The following SHISA9 variants were observed in gnomAD, a reference collection of about 807,000 sequenced individuals.
SHISA9 encodes protein shisa-9.
In SHISA9, 13 loss-of-function variants were observed where a neutral mutation model predicts 38.0. The ratio of observed to expected loss-of-function variants is 0.34; its 90% confidence interval spans 0.22 to 0.54. The LOEUF is 0.54. SHISA9 is among the 20% of genes least tolerant of loss of function. SHISA9 has a pLI of 0.91. For missense variants in SHISA9, 538 were observed against 575.8 expected, an observed-to-expected ratio of 0.93 and a Z score of 0.67; for synonymous variants, 275 against 242.0, an observed-to-expected ratio of 1.14 and a Z score of -1.27.
chr16:13,024,073 T>C (rs1445722059), intron 2 of SHISA9, among the ~76,000 whole-genome samples: 2 of 152,190 alleles, frequency 1.3e-5, no homozygotes, highest in African/African-American at 4.8e-5. Flanking sequence ...TCATTTCTCA[T>C]CTCCATTAAT....
At chr16:13,448,562 T>A in the SHISA9 span, among the ~76,000 whole-genome samples, 1 of 152,254 alleles carries the variant, frequency 6.6e-6, no homozygotes, top group Non-Finnish European at 1.5e-5. Flanking sequence ...CAGGAAGCCA[T>A]CTGTGGCCCT....
chr16:13,536,691 G>A, the SHISA9 span, among the ~76,000 whole-genome samples: 13 of 152,328 alleles, frequency 8.5e-5, no homozygotes, highest in Middle Eastern at 3.4e-3. Flanking sequence ...GTAGCCATGA[G>A]AGAAGCTTGC....
the SHISA9 span, among the ~76,000 whole-genome samples, chr16:13,523,299 G>C: frequency 1.4e-4 from 21 of 152,098 alleles, no homozygotes; most frequent in African/African-American, 3.9e-4. Context: ...GCAGTGAGCC[G>C]AGATCCTGCC....
At chr16:13,265,877 A>G in the SHISA9 span, among the ~76,000 whole-genome samples, 2 of 152,180 alleles carry the variant, frequency 1.3e-5, no homozygotes, top group Admixed American at 6.5e-5. Context: ...ATGTGCCAAC[A>G]TCCCAAGTGT....
At chr16:13,057,395 G>A (rs182515661) in intron 2 of SHISA9, among the ~76,000 whole-genome samples, 3 of 152,202 alleles carry the variant, frequency 2.0e-5, no homozygotes. Flanking sequence ...TGCCTGGGGG[G>A]TTTATTTATT....
chr16:13,085,643 T>C (rs2073702205), intron 2 of SHISA9, among the ~76,000 whole-genome samples: 1 of 152,196 alleles, frequency 6.6e-6, no homozygotes, highest in Non-Finnish European at 1.5e-5. Context: ...CTACGTTATG[T>C]GTAGGTGCAC....
chr16:13,256,545 G>T, the SHISA9 span, among the ~76,000 whole-genome samples: 3 of 152,222 alleles, frequency 2.0e-5, no homozygotes, highest in Non-Finnish European at 4.4e-5. Flanking sequence ...CTACTAAAGT[G>T]CTGGGATTAC....
intron 4 of SHISA9, among the ~76,000 whole-genome samples, chr16:13,220,739 C>G (rs1051144544): frequency 6.6e-6 from 1 of 152,130 alleles, no homozygotes; most frequent in African/African-American, 2.4e-5. Flanking sequence ...CATCCAGAAC[C>G]CTGTGTGGGA....
At chr16:13,406,059 C>T in the SHISA9 span, among the ~76,000 whole-genome samples, 1 of 152,124 alleles carries the variant, frequency 6.6e-6, no homozygotes, top group South Asian at 2.1e-4. Context: ...TAAACGACAA[C>T]CTACAGAATG....
intron 2 of SHISA9, among the ~76,000 whole-genome samples, chr16:13,017,219 C>A (rs2072768845): frequency 6.6e-6 from 1 of 152,038 alleles, no homozygotes; most frequent in African/African-American, 2.4e-5. Flanking sequence ...GGGGTTTCAC[C>A]ATGTTGGCCA....
the SHISA9 span, among the ~76,000 whole-genome samples, chr16:13,379,106 A>G: frequency 5.3e-5 from 8 of 151,848 alleles, no homozygotes; most frequent in Admixed American, 5.3e-4. Context: ...CTCCATCCTT[A>G]CTCTCCCACT....
intron 2 of SHISA9, among the ~76,000 whole-genome samples, chr16:13,157,222 A>G (rs1375399591): frequency 6.6e-6 from 1 of 152,194 alleles, no homozygotes; most frequent in Non-Finnish European, 1.5e-5. Flanking sequence ...GTGCTGGGCT[A>G]TAAGAAAGAT....
chr16:12,965,028 T>C (rs1218898381), intron 2 of SHISA9, among the ~76,000 whole-genome samples: 2 of 152,164 alleles, frequency 1.3e-5, no homozygotes, highest in African/African-American at 4.8e-5. Context: ...AATAAATGAA[T>C]ATCTATCTAT....
the SHISA9 span, among the ~76,000 whole-genome samples, chr16:13,396,611 G>A: frequency 1.2e-4 from 18 of 152,306 alleles, no homozygotes; most frequent in African/African-American, 4.1e-4. Context: ...TAGAGTGGTT[G>A]TTCAGTGAGC....
At chr16:12,928,976 C>T (rs2071428780) in intron 2 of SHISA9, among the ~76,000 whole-genome samples, 3 of 152,148 alleles carry the variant, frequency 2.0e-5, no homozygotes, top group Non-Finnish European at 4.4e-5. Flanking sequence ...TCTTTAAAAA[C>T]ATGTTTTAAT....
chr16:13,545,956 C>G, the SHISA9 span, among the ~76,000 whole-genome samples: 6 of 152,236 alleles, frequency 3.9e-5, no homozygotes, highest in Non-Finnish European at 7.4e-5. Flanking sequence ...GGGATGATTT[C>G]TTGCCAAACT....
chr16:12,975,655 G>T (rs113976418), intron 2 of SHISA9, among the ~76,000 whole-genome samples: 2,967 of 141,398 alleles, frequency 0.021, 47 homozygotes, highest in African/African-American at 0.027. Flanking sequence ...TGGGACGGGG[G>T]CGGGGGGGGT....
chr16:13,149,499 G>A (rs747943255), intron 2 of SHISA9, among the ~76,000 whole-genome samples: 2 of 152,156 alleles, frequency 1.3e-5, no homozygotes, highest in Non-Finnish European at 2.9e-5. Context: ...AGGGTACCCT[G>A]AGTTGCATCA....
chr16:13,560,843 T>C, the SHISA9 span, among the ~76,000 whole-genome samples: 9 of 152,066 alleles, frequency 5.9e-5, no homozygotes, highest in Non-Finnish European at 1.3e-4. Context: ...TTCTGTGTTA[T>C]TTATTCTTAA....
Sources: gnomAD v4.1 joint callset for allele counts (sites outside exome capture counted in the v4.1 genomes callset) on GRCh38, gnomAD v4.1.1 for gene constraint, MANE v1.5 for transcripts, NCBI Gene and HGNC (gene_info 2026-07-23, HGNC 2026-07-21) for gene names.